Variants in UMAD1 observed in about 807,000 individuals in gnomAD.
The protein encoded by UMAD1 is UBAP1-MVB12-associated (UMA)-domain containing protein 1.
UMAD1 carries 8 observed loss-of-function variants against 6.1 expected under a neutral mutation model. The observed-to-expected ratio is 1.30, with a 90% CI of 0.76 to 2.35. The LOEUF (loss-of-function observed/expected upper bound fraction) is 2.35. Among genes scored for constraint, UMAD1 ranks in the 30% most tolerant of loss-of-function variants. The pLI, the probability that UMAD1 is intolerant of heterozygous loss-of-function variation, is 0.00. For synonymous variants in UMAD1, 56 were observed against 31.4 expected (o/e 1.78, Z -2.61); for missense variants, 130 against 78.4 (o/e 1.66, Z -2.49).
At chr7:7,741,232 G>C (rs1002586698) in intron 2 of UMAD1, 19 of 151,568 alleles carry the variant, frequency 1.3e-4, no homozygotes, top group African/African-American at 4.4e-4. Context: ...CTTACTAGGA[G>C]AACTTTGGAT....
intron 2 of UMAD1, among the ~76,000 whole-genome samples, chr7:7,794,862 C>G (rs1326689174): frequency 2.6e-5 from 4 of 152,172 alleles, no homozygotes; most frequent in African/African-American, 7.2e-5. Context: ...CCTTTAAGGT[C>G]TGAAGAGAGA....
At chr7:7,873,587 G>A (rs982292624) in intron 3 of UMAD1, among the ~76,000 whole-genome samples, 2 of 152,140 alleles carry the variant, frequency 1.3e-5, no homozygotes, top group African/African-American at 4.8e-5. Context: ...GTACTCTGGT[G>A]TTATTTTCAC....
chr7:7,683,158 A>T (rs1386291247), intron 2 of UMAD1, among the ~76,000 whole-genome samples: 1 of 152,194 alleles, frequency 6.6e-6, no homozygotes, highest in Non-Finnish European at 1.5e-5. Context: ...TGGGAAAGTC[A>T]TTCATTTTTT....
intron 2 of UMAD1, among the ~76,000 whole-genome samples, chr7:7,708,460 A>C (rs1220868004): frequency 6.6e-6 from 1 of 152,214 alleles, no homozygotes; most frequent in Non-Finnish European, 1.5e-5. Flanking sequence ...TGTATTTATT[A>C]GACAGCATTT....
intron 2 of UMAD1, among the ~76,000 whole-genome samples, chr7:7,682,707 T>C (rs558743700): frequency 1.3e-5 from 2 of 152,346 alleles, no homozygotes; most frequent in African/African-American, 4.8e-5. Context: ...GATTAAAAAG[T>C]AACTTACCCT....
At chr7:7,779,672 TCTCA>T (rs1782305306) in intron 2 of UMAD1, among the ~76,000 whole-genome samples, 1 of 152,106 alleles carries the variant, frequency 6.6e-6, no homozygotes, top group Non-Finnish European at 1.5e-5. Flanking sequence ...TGAGACAGGG[TCTCA>T]CTCTGCCATC....
intron 2 of UMAD1, among the ~76,000 whole-genome samples, chr7:7,706,222 G>A (rs779769931): frequency 7.2e-5 from 11 of 152,044 alleles, no homozygotes; most frequent in Non-Finnish European, 1.5e-4. Context: ...GAACAAAACG[G>A]ATAATCACCT....
intron 2 of UMAD1, among the ~76,000 whole-genome samples, chr7:7,790,365 G>T (rs1210984317): frequency 2.0e-5 from 3 of 152,156 alleles, no homozygotes; most frequent in East Asian, 1.9e-4. Flanking sequence ...CCTTGCTTTT[G>T]GGGGGCACAT....
intron 1 of UMAD1, among the ~76,000 whole-genome samples, chr7:7,670,675 G>T (rs977851017): frequency 6.6e-6 from 1 of 152,162 alleles, no homozygotes; most frequent in African/African-American, 2.4e-5. Context: ...ATCATGTTCA[G>T]ATGTGGTACT....
chr7:7,783,644 G>C (rs1393335679), intron 2 of UMAD1, among the ~76,000 whole-genome samples: 1 of 152,162 alleles, frequency 6.6e-6, no homozygotes, highest in Non-Finnish European at 1.5e-5. Context: ...GAATTATAGA[G>C]GTAAACTGAT....
intron 2 of UMAD1, chr7:7,736,037 AAGAG>A (rs1292362263): frequency 1.3e-5 from 2 of 152,358 alleles, no homozygotes; most frequent in Non-Finnish European, 2.9e-5. Flanking sequence ...TTTGGTGAGA[AAGAG>A]AGATGTCTTT....
intron 2 of UMAD1, among the ~76,000 whole-genome samples, chr7:7,718,351 G>C (rs898456383): frequency 2.6e-5 from 4 of 152,192 alleles, no homozygotes; most frequent in African/African-American, 9.7e-5. Flanking sequence ...GGCATGGGTT[G>C]TCTGTTCTTA....
At chr7:7,655,992 T>A (rs1785332276) in intron 1 of UMAD1, among the ~76,000 whole-genome samples, 1 of 152,088 alleles carries the variant, frequency 6.6e-6, no homozygotes, top group South Asian at 2.1e-4. Flanking sequence ...TGCGCCATCA[T>A]GCCTGGCTAA....
chr7:7,846,181 G>A (rs1783779123), intron 3 of UMAD1, among the ~76,000 whole-genome samples: 1 of 152,110 alleles, frequency 6.6e-6, no homozygotes. Flanking sequence ...CTATTTATCT[G>A]TAAGGTAGTT....
intron 3 of UMAD1, among the ~76,000 whole-genome samples, chr7:7,802,831 C>G (rs1460156266): frequency 6.6e-6 from 1 of 152,152 alleles, no homozygotes; most frequent in Non-Finnish European, 1.5e-5. Flanking sequence ...TCAGTACAAT[C>G]ATGAGTAATA....
intron 3 of UMAD1, among the ~76,000 whole-genome samples, chr7:7,846,098 A>G (rs1309366359): frequency 3.3e-5 from 5 of 152,138 alleles, no homozygotes; most frequent in Non-Finnish European, 5.9e-5. Flanking sequence ...TGCGTGATGT[A>G]TGAACTGTGA....
chr7:7,714,857 T>C (rs1026016593), intron 2 of UMAD1, among the ~76,000 whole-genome samples: 96 of 149,936 alleles, frequency 6.4e-4, no homozygotes, highest in East Asian at 9.7e-4. Flanking sequence ...ATTTTTCTTT[T>C]TTTTTTTTTT....
intron 2 of UMAD1, among the ~76,000 whole-genome samples, chr7:7,780,741 C>G (rs1782328480): frequency 6.6e-6 from 1 of 152,158 alleles, no homozygotes; most frequent in Admixed American, 6.5e-5. Context: ...TGTCTCACTT[C>G]TTTCACTAAA....
chr7:7,787,386 A>T (rs914629945), intron 2 of UMAD1, among the ~76,000 whole-genome samples: 1 of 152,212 alleles, frequency 6.6e-6, no homozygotes, highest in Admixed American at 6.5e-5. Flanking sequence ...TAGAGGAATT[A>T]AAAAATATAT....
Sources: allele counts gnomAD v4.1 joint callset (sites outside exome capture counted in the v4.1 genomes callset), GRCh38; gene constraint gnomAD v4.1.1; transcripts MANE v1.5; gene names NCBI Gene and HGNC (gene_info 2026-07-23, HGNC 2026-07-21).